LARGE1: variants seen among roughly 807,000 people sequenced by gnomAD.
LARGE1 encodes the protein LARGE xylosyl- and glucuronyltransferase 1.
A neutral mutation model predicts 87.6 loss-of-function variants in LARGE1; 43 were observed. The observed-to-expected ratio is 0.49, with a 90% CI of 0.38 to 0.63. The LOEUF is 0.63. Among genes scored for constraint, LARGE1 ranks in the 30% least tolerant of loss-of-function variants. The pLI is 0.00. For synonymous variants in LARGE1, 434 were observed against 394.6 expected (o/e 1.10, Z -1.18); for missense variants, 802 against 1,000.2 (o/e 0.80, Z 2.67).
intron 4 of LARGE1, 130 bp downstream of exon 4, chr22:33,626,114 C>G: frequency 1.3e-6 from 1 of 777,440 alleles, no homozygotes; most frequent in Non-Finnish European, 2.3e-6. Flanking sequence ...GGGTTTCAGA[C>G]AAAAATTACA....
intron 2 of LARGE1, among the ~76,000 whole-genome samples, chr22:33,671,269 C>T (rs1332245504): frequency 6.6e-6 from 1 of 152,212 alleles, no homozygotes; most frequent in Non-Finnish European, 1.5e-5. Context: ...AGAATGGCTA[C>T]ATTTCACCAT....
intron 1 of LARGE1, among the ~76,000 whole-genome samples, chr22:33,904,615 G>A (rs1157327409): frequency 6.6e-6 from 1 of 152,220 alleles, no homozygotes; most frequent in African/African-American, 2.4e-5. Flanking sequence ...GCGTGGGGCA[G>A]TAGAGTCGGT....
chr22:33,781,891 A>G (rs142342026), intron 1 of LARGE1, among the ~76,000 whole-genome samples: 9 of 152,352 alleles, frequency 5.9e-5, no homozygotes, highest in African/African-American at 2.2e-4. Context: ...AAGCAGCAAG[A>G]GACTGAAAGA....
At chr22:33,218,641 G>T (rs575968847) in intron 11 of LARGE1, among the ~76,000 whole-genome samples, 1 of 152,262 alleles carries the variant, frequency 6.6e-6, no homozygotes, top group Non-Finnish European at 1.5e-5. Context: ...CCTACTGTGT[G>T]CCAGGCACTG....
chr22:33,651,924 A>T (rs1030219653), intron 2 of LARGE1, among the ~76,000 whole-genome samples: 1 of 151,886 alleles, frequency 6.6e-6, no homozygotes, highest in Non-Finnish European at 1.5e-5. Flanking sequence ...CTGTAATCCC[A>T]GCATTTTGGG....
intron 11 of LARGE1, among the ~76,000 whole-genome samples, chr22:33,266,720 G>C (rs2145765560): frequency 6.6e-6 from 1 of 151,816 alleles, no homozygotes; most frequent in East Asian, 1.9e-4. Context: ...GTCTGGCTGA[G>C]CCTACGTATG....
At chr22:33,878,110 T>C (rs1432228649) in intron 1 of LARGE1, among the ~76,000 whole-genome samples, 1 of 148,410 alleles carries the variant, frequency 6.7e-6, no homozygotes, top group Non-Finnish European at 1.5e-5. Context: ...AAATTATGTA[T>C]GTTGTTTATA....
In LARGE1 at chr22:33,878,129, C is replaced by T. The variant is rs371277493; in HGVS notation, c.-83+41866G>A. 6.8e-3 allele frequency among the ~76,000 whole-genome samples: 301 copies of T among 44,510 alleles called. 1 individual carries two copies. The highest frequency in any genetic ancestry group is 0.048 in the Middle Eastern group (2 of 42). 29.2% of individuals were successfully genotyped at this position (44,510 alleles called of 152,430 possible). A position where few individuals can be genotyped will look rare whatever the true frequency, so the allele number is the denominator to read the frequency against. On this transcript the variant is annotated intron_variant, in intron 1 of 14. Transcript: ENST00000397394. ...TATGTATGTTGTTTATATTGTATTT[C>T]TTTTTTTTTTTTTTTTTTTTTTTTT...
intron 3 of LARGE1, among the ~76,000 whole-genome samples, chr22:33,635,439 T>C (rs886865289): frequency 2.0e-5 from 3 of 152,206 alleles, no homozygotes; most frequent in Non-Finnish European, 2.9e-5. Context: ...GACACGGTGT[T>C]GTCCTTACTG....
intron 12 of LARGE1, among the ~76,000 whole-genome samples, chr22:33,302,675 G>T (rs1288418821): frequency 6.6e-6 from 1 of 152,178 alleles, no homozygotes; most frequent in African/African-American, 2.4e-5. Flanking sequence ...TCAGAAGGAG[G>T]GAGGGAGAGC....
intron 2 of LARGE1, chr22:33,742,998 C>T (rs2083943391): frequency 6.6e-6 from 1 of 152,060 alleles, no homozygotes; most frequent in African/African-American, 2.4e-5. Context: ...AATGGTTTAG[C>T]ACCATTCTCT....
chr22:33,910,976 T>C (rs2065619442), intron 1 of LARGE1, among the ~76,000 whole-genome samples: 1 of 152,218 alleles, frequency 6.6e-6, no homozygotes, highest in Admixed American at 6.5e-5. Context: ...TCCTGGCTCC[T>C]TCTTCATGGC....
chr22:33,350,112 A>G (rs373413296), intron 9 of LARGE1, among the ~76,000 whole-genome samples: 62 of 152,302 alleles, frequency 4.1e-4, no homozygotes, highest in Middle Eastern at 3.4e-3. Flanking sequence ...ACTTTTCACA[A>G]TACTCAGGGC....
At chr22:33,495,234 T>C (rs1450259975) in intron 6 of LARGE1, among the ~76,000 whole-genome samples, 1 of 152,128 alleles carries the variant, frequency 6.6e-6, no homozygotes, top group Non-Finnish European at 1.5e-5. Flanking sequence ...AAGCTTCTCA[T>C]CCTTTGAACT....
chr22:33,231,592 G>C (rs952633746), intron 11 of LARGE1, among the ~76,000 whole-genome samples: 14 of 152,204 alleles, frequency 9.2e-5, no homozygotes, highest in African/African-American at 3.4e-4. Flanking sequence ...TGTTATTGCA[G>C]GTGAAGAGAA....
chr22:33,339,399 C>T (rs933119643), intron 9 of LARGE1, among the ~76,000 whole-genome samples: 1 of 151,860 alleles, frequency 6.6e-6, no homozygotes, highest in Non-Finnish European at 1.5e-5. Flanking sequence ...TTGGTAGTGG[C>T]GTCGTGGGGT....
intron 11 of LARGE1, among the ~76,000 whole-genome samples, chr22:33,246,859 A>G (rs1602143298): frequency 6.6e-6 from 1 of 152,366 alleles, no homozygotes; most frequent in Non-Finnish European, 1.5e-5. Flanking sequence ...TTAAAAAATT[A>G]AAGTGATTTT....
At chr22:33,450,447 C>CA (rs367922467) in intron 6 of LARGE1, among the ~76,000 whole-genome samples, 1,443 of 128,044 alleles carry the variant, frequency 0.011, 15 homozygotes, top group African/African-American at 0.025. Flanking sequence ...ACTAAAAATA[C>CA]AAAAAAAAAA....
rs1440612594 is a variant in LARGE1 at position 33,340,268 on chromosome 22, AC to A, written c.1132-2468del. Among the ~76,000 whole-genome samples, 8 of 151,872 alleles carry A rather than the reference AC, an allele frequency of 5.3e-5. 1 individual carries two copies. The highest frequency in any genetic ancestry group is 1.9e-4 in the African/African-American group (8 of 41,168). The stretch of plus-strand genomic sequence containing the variant: ...CCTGGTTCCAGAGTCCACCTGCTTA[AC>A]TACTCACTGGGCTTGCACTGTGTCT... On this transcript the variant is annotated intron_variant, in intron 9 of 14. Transcript: ENST00000397394.
Sources: allele counts gnomAD v4.1 joint callset (sites outside exome capture counted in the v4.1 genomes callset), GRCh38; gene constraint gnomAD v4.1.1; transcripts MANE v1.5; gene names NCBI Gene and HGNC (gene_info 2026-07-23, HGNC 2026-07-21).